The following GRID1 variants were observed in gnomAD, a reference collection of about 807,000 sequenced individuals.
GRID1 encodes glutamate ionotropic receptor delta type subunit 1.
A neutral mutation model predicts 98.0 loss-of-function variants in GRID1; 28 were observed. The observed-to-expected ratio is 0.29, with a 90% CI of 0.21 to 0.39. The LOEUF is 0.39. Ranked by LOEUF, GRID1 falls within the 10% of genes least tolerant of loss-of-function variation. The pLI is 1.00. For synonymous variants in GRID1, 553 were observed against 538.5 expected, an observed-to-expected ratio of 1.03 and a Z score of -0.37; for missense variants, 1,111 against 1,340.5, an observed-to-expected ratio of 0.83 and a Z score of 2.67.
chr10:85,827,509 A>C (rs1842830690), intron 8 of GRID1, among the ~76,000 whole-genome samples: 1 of 152,204 alleles, frequency 6.6e-6, no homozygotes. Flanking sequence ...CAAATCTATG[A>C]CTCATAGGCC....
chr10:85,619,234 C>T (rs890605118), intron 14 of GRID1, among the ~76,000 whole-genome samples: 3 of 152,246 alleles, frequency 2.0e-5, no homozygotes, highest in African/African-American at 7.2e-5. Flanking sequence ...CACTTCCACC[C>T]TTCCTGGCTA....
chr10:86,045,602 G>T (rs1442034322), intron 4 of GRID1, among the ~76,000 whole-genome samples: 1 of 152,116 alleles, frequency 6.6e-6, no homozygotes, highest in East Asian at 1.9e-4. Flanking sequence ...CTGGGAGGAT[G>T]AAGATAAGCA....
intron 15 of GRID1, among the ~76,000 whole-genome samples, chr10:85,603,086 T>G (rs888668511): frequency 1.3e-5 from 2 of 152,172 alleles, no homozygotes; most frequent in Non-Finnish European, 2.9e-5. Context: ...GCCCCTAAGG[T>G]GTCCCATGAA....
chr10:85,689,740 G>T (rs1232617405), intron 12 of GRID1, among the ~76,000 whole-genome samples: 2 of 152,112 alleles, frequency 1.3e-5, no homozygotes, highest in African/African-American at 4.8e-5. Flanking sequence ...ATTTTTAAAA[G>T]GAGGAGGAAG....
chr10:86,232,113 C>T (rs1455633282), intron 2 of GRID1, among the ~76,000 whole-genome samples: 2 of 152,204 alleles, frequency 1.3e-5, no homozygotes, highest in African/African-American at 4.8e-5. Context: ...CCCAGCTTCC[C>T]TTTCCCTGTT....
chr10:86,130,035 C>T (rs1252463070), intron 4 of GRID1, among the ~76,000 whole-genome samples: 1 of 152,264 alleles, frequency 6.6e-6, no homozygotes, highest in African/African-American at 2.4e-5. Context: ...TGTCAAGGGG[C>T]AGGCTCATCA....
intron 5 of GRID1, among the ~76,000 whole-genome samples, chr10:85,884,332 C>T (rs1249914528): frequency 1.3e-5 from 2 of 152,096 alleles, no homozygotes; most frequent in African/African-American, 4.8e-5. Context: ...ACACACCTGC[C>T]TCCCAAATAG....
At chr10:85,889,660 T>A (rs1037989696) in intron 5 of GRID1, among the ~76,000 whole-genome samples, 5 of 152,300 alleles carry the variant, frequency 3.3e-5, no homozygotes, top group Non-Finnish European at 7.4e-5. Flanking sequence ...TTCAGGTACT[T>A]TGGAGATGTT....
rs550240923 is a variant in GRID1 at position 86,089,749 on chromosome 10, A to T, written c.726+49070T>A. Reference sequence around the variant, plus strand: ...ATAAAGAAGGACCAAACAAAAAAAAATTTTTTTTTTTTTTGAGACGGAGTC... The same window carrying T: ...ATAAAGAAGGACCAAACAAAAAAAATTTTTTTTTTTTTTTGAGACGGAGTC... On this transcript the variant is annotated intron_variant, in intron 4 of 15. Transcript: ENST00000327946. Among the ~76,000 whole-genome samples the T allele has an allele frequency of 4.2e-4, 62 of 147,406 alleles. No homozygotes were observed. The South Asian group carries it at 5.2e-3, about 12-fold the overall frequency.
chr10:85,600,238 C>G lies in GRID1; in HGVS notation c.*2035G>C, dbSNP rs1173900310. 1 of 152,314 alleles carries G rather than the reference C, an allele frequency of 6.6e-6. No homozygotes were observed. The highest frequency in any genetic ancestry group is 1.5e-5 in the Non-Finnish European group (1 of 68,054). 9.4% of individuals were successfully genotyped at this position (152,314 alleles called of 1,614,324 possible). On this transcript the variant is annotated 3_prime_UTR_variant, in exon 16 of 16. Transcript: ENST00000327946. ...GTCATGGTAGCCCACCTAGGCTTCT[C>G]TGAGCATGCCTGGCTCCAAGGTCCA...
intron 8 of GRID1, among the ~76,000 whole-genome samples, chr10:85,830,388 A>G (rs1341478905): frequency 6.6e-6 from 1 of 152,190 alleles, no homozygotes; most frequent in Non-Finnish European, 1.5e-5. Context: ...AATTCTGGAC[A>G]TAGACCCTGG....
chr10:86,282,727 G>T (rs1847373989), intron 2 of GRID1, among the ~76,000 whole-genome samples: 1 of 151,942 alleles, frequency 6.6e-6, no homozygotes, highest in African/African-American at 2.4e-5. Context: ...CCCTTCCCTG[G>T]GGGCTCCCCT....
chr10:85,980,448 T>G (rs147666177), intron 4 of GRID1, among the ~76,000 whole-genome samples: 4 of 152,366 alleles, frequency 2.6e-5, no homozygotes, highest in Non-Finnish European at 4.4e-5. Context: ...CAGAAATGAC[T>G]TGTCCAAGGT....
At chr10:86,222,711 G>T (rs998888833) in intron 2 of GRID1, among the ~76,000 whole-genome samples, 1 of 152,198 alleles carries the variant, frequency 6.6e-6, no homozygotes, top group Non-Finnish European at 1.5e-5. Context: ...AGGGGAGAAG[G>T]GGTGTAAGCA....
At chr10:85,901,075 G>A (rs1456643911) in intron 5 of GRID1, among the ~76,000 whole-genome samples, 13 of 152,130 alleles carry the variant, frequency 8.5e-5, no homozygotes, top group East Asian at 1.9e-4. Context: ...ATGCTGCGAC[G>A]CGGATTCATA....
At position 86,145,547 on chromosome 10, in the gene GRID1, T is replaced by TAC. The variant is rs201208047; in HGVS notation, c.521-6525_521-6524dup. Among the ~76,000 whole-genome samples, 1,347 of 145,672 alleles carry TAC rather than the reference T, an allele frequency of 9.2e-3. 17 individuals carry two copies. The highest frequency in any genetic ancestry group is 0.039 in the East Asian group (194 of 5,032). ...TGCCCACTCCTGGACATCCTCCACA[T>TAC]ACACACACACACACACACACACACC... On this transcript the variant is annotated intron_variant, in intron 3 of 15. Transcript: ENST00000327946.
chr10:85,972,158 C>CT (rs397846947), intron 4 of GRID1, among the ~76,000 whole-genome samples: 18,947 of 143,886 alleles, frequency 0.13, 1,297 homozygotes, highest in Admixed American at 0.22. Context: ...GACCATTTTT[C>CT]TTTTTTTTTT....
At position 86,192,194 on chromosome 10, in the gene GRID1, G is replaced by A. The variant is rs1018022735; in HGVS notation, c.520+14170C>T. On this transcript the variant is annotated intron_variant, in intron 3 of 15. Transcript: ENST00000327946. This position sits in a 1 kb window ranked among gnomAD's most constrained non-coding sequence, Gnocchi z 4.8. ...GCAACACACACCCACAGACACCTGC[G>A]CACACACACACACATGGAGGCTCCA... is the stretch of plus-strand genomic sequence containing the variant. Among the ~76,000 whole-genome samples the A allele has an allele frequency of 3.3e-5, 5 of 151,020 alleles. No individual in the cohort carries two copies. The highest frequency in any genetic ancestry group is 1.9e-4 in the East Asian group (1 of 5,174).
At chr10:85,988,012 T>TCA (rs1465958719) in intron 4 of GRID1, among the ~76,000 whole-genome samples, 2 of 152,142 alleles carry the variant, frequency 1.3e-5, no homozygotes, top group Admixed American at 1.3e-4. Context: ...AGACCCGCAT[T>TCA]AAATTCCAGC....
Sources: gnomAD v4.1 joint callset for allele counts (sites outside exome capture counted in the v4.1 genomes callset) on GRCh38, gnomAD v4.1.1 for gene constraint, Gnocchi (gnomAD v3.1) non-coding constraint, MANE v1.5 for transcripts, NCBI Gene and HGNC (gene_info 2026-07-23, HGNC 2026-07-21) for gene names.